Variants in ABCA13 observed in about 807,000 individuals in gnomAD.
The protein encoded by ABCA13 is ATP binding cassette subfamily A member 13.
In ABCA13, 476 loss-of-function variants were observed where a neutral mutation model predicts 478.7. That is an observed-to-expected ratio of 0.99 (90% confidence interval 0.92 to 1.07). ABCA13 has a LOEUF of 1.07. Ranked by LOEUF, ABCA13 falls within the 50% of genes least tolerant of loss-of-function variation. ABCA13 has a pLI of 0.00. For synonymous variants in ABCA13, 2,252 were observed against 2,158.9 expected (o/e 1.04, Z -1.20); for missense variants, 6,060 against 5,910.6 (o/e 1.03, Z -0.83).
intron 23 of ABCA13, among the ~76,000 whole-genome samples, chr7:48,303,761 G>T (rs768284194): frequency 6.6e-6 from 1 of 152,010 alleles, no homozygotes; most frequent in African/African-American, 2.4e-5. Context: ...GGTGTTTTTT[G>T]ATATCAAATT....
In ABCA13 at chr7:48,198,309, G is replaced by C. The variant is rs375471014; in HGVS notation, c.236G>C (p.Gly79Ala). The change falls in exon 3 of 62, where the codon GGA becomes GCA. Residue 79 changes from glycine to alanine, a missense_variant. Around this residue, in one of 3 missense-constraint regions of ABCA13, gnomAD observed 4,423 missense variants for 4,309.1 expected, o/e 1.03. Coordinates refer to ENST00000435803, the MANE Select transcript of ABCA13 (RefSeq NM_152701.5). ...PFVQSLLCNT[G>A]SRCRNFSYEG... Reference sequence around the variant, plus strand: ...GTTCAAAGCCTTCTTTGTAACACTGGATCAAGGTGTAGGAACTTCAGCTAT... The same window carrying C: ...GTTCAAAGCCTTCTTTGTAACACTGCATCAAGGTGTAGGAACTTCAGCTAT... The C allele has an allele frequency of 4.2e-5, 68 of 1,613,704 alleles. No individual in the cohort carries two copies. In the African/African-American group the frequency reaches 5.2e-4, roughly 12 times the overall value.
intron 42 of ABCA13, among the ~76,000 whole-genome samples, chr7:48,452,275 C>A (rs1825138966): frequency 6.6e-6 from 1 of 152,142 alleles, no homozygotes; most frequent in African/African-American, 2.4e-5. Context: ...TATTACAAAT[C>A]TCTACTTTAC....
chr7:48,214,801 A>G (rs900787315), intron 3 of ABCA13, among the ~76,000 whole-genome samples: 1 of 152,314 alleles, frequency 6.6e-6, no homozygotes, highest in African/African-American at 2.4e-5. Flanking sequence ...GTTGTGGCTG[A>G]TTTGATCTAT....
chr7:48,410,389 AT>A lies in ABCA13; in HGVS notation c.12071-124del. Reference sequence around the variant, plus strand: ...GGCAAAGTGGCCAGGACGCATTTCAATTTTTTTCAGTTTGAAAATTGGTGAG... The same window carrying A: ...GGCAAAGTGGCCAGGACGCATTTCAATTTTTTCAGTTTGAAAATTGGTGAG... On this transcript the variant is annotated intron_variant, in intron 39 of 61. Transcript: ENST00000435803. 4 of 1,198,698 alleles carry A rather than the reference AT, an allele frequency of 3.3e-6. No individual in the cohort carries two copies. The South Asian group carries it at 5.4e-5, about 16-fold the overall frequency. 74.3% of individuals were successfully genotyped at this position (1,198,698 alleles called of 1,614,324 possible). A position where few individuals can be genotyped will look rare whatever the true frequency, so the allele number is the denominator to read the frequency against.
chr7:48,516,746 G>A lies in ABCA13; in HGVS notation c.13662G>A (p.Met4554Ile), dbSNP rs142532424. The A allele has an allele frequency of 1.9e-5, 31 of 1,613,688 alleles. No individual in the cohort carries two copies. In the East Asian group the frequency reaches 6.7e-4, roughly 35 times the overall value. ...TCAGATATGCAACTCTTCCATGGATGTACCTGATGTCCAGAATCTTTTCCA... is the reference window on the plus strand; with the variant it reads ...TCAGATATGCAACTCTTCCATGGATATACCTGATGTCCAGAATCTTTTCCA... ...SLFGYATLPW[M>I]YLMSRIFSSS... The change falls in exon 52 of 62, where the codon ATG becomes ATA. Residue 4554 changes from methionine (M) to isoleucine (I), a missense_variant. By Grantham distance (10) the Met-to-Ile change is conservative (BLOSUM62 1). Around this residue, in one of 3 missense-constraint regions of ABCA13, gnomAD observed 1,627 missense variants for 1,571.0 expected, o/e 1.04. Coordinates refer to ENST00000435803, the MANE Select transcript of ABCA13 (RefSeq NM_152701.5).
chr7:48,233,937 A>T, intron 7 of ABCA13, 81 bp from the exon 8 acceptor site: 1 of 1,514,570 alleles, frequency 6.6e-7, no homozygotes, highest in Non-Finnish European at 8.9e-7. Flanking sequence ...AGGTGAAAAA[A>T]GGTATTTTTT....
At chr7:48,471,682 A>T in intron 45 of ABCA13, 83 bp downstream of exon 45, 1 of 1,302,044 alleles carries the variant, frequency 7.7e-7, no homozygotes. Context: ...TAAAATTTTC[A>T]TATTTGTAAC....
intron 55 of ABCA13, among the ~76,000 whole-genome samples, chr7:48,575,310 A>G (rs1317641851): frequency 6.6e-6 from 1 of 152,142 alleles, no homozygotes; most frequent in Non-Finnish European, 1.5e-5. Context: ...ATATAAGGGA[A>G]TGGTTTTTTA....
At position 48,272,234 on chromosome 7, in the gene ABCA13, T is replaced by G. The variant is rs767306713; in HGVS notation, c.2568T>G (p.Leu856=). 1 of 1,612,220 alleles carries G rather than the reference T, an allele frequency of 6.2e-7. No individual in the cohort carries two copies. The highest frequency in any genetic ancestry group is 1.1e-5 in the South Asian group (1 of 90,666). ...CTAAATTGGAAAACTTCTTTACACT[T>G]TTAAATTTTTCTGTTCCAGAAAATG... ...KRAKLENFFT[L]LNFSVPENEI... Residue 856 remains leucine, a synonymous_variant, in exon 17 of 62, where the codon CTT becomes CTG. Coordinates refer to ENST00000435803, the MANE Select transcript of ABCA13 (RefSeq NM_152701.5).
At chr7:48,246,800 T>A (rs192052770) in intron 13 of ABCA13, among the ~76,000 whole-genome samples, 1 of 152,260 alleles carries the variant, frequency 6.6e-6, no homozygotes, top group East Asian at 1.9e-4. Flanking sequence ...AGACACTATC[T>A]TGGTAGAGAA....
At chr7:48,407,686 A>G (rs1193051805) in intron 39 of ABCA13, among the ~76,000 whole-genome samples, 1 of 151,640 alleles carries the variant, frequency 6.6e-6, no homozygotes, top group Non-Finnish European at 1.5e-5. Context: ...CCTCCCAAGT[A>G]GCTGGGATTA....
At chr7:48,542,743 C>A (rs1258375876) in intron 55 of ABCA13, among the ~76,000 whole-genome samples, 1 of 151,646 alleles carries the variant, frequency 6.6e-6, no homozygotes, top group African/African-American at 2.4e-5. Flanking sequence ...TACTATTACT[C>A]TCCTCTAGCA....
rs752507745 is a variant in ABCA13 at position 48,274,499 on chromosome 7, C to A, written c.4833C>A (p.Asp1611Glu). 8 of 1,613,818 alleles carry A rather than the reference C, an allele frequency of 5.0e-6. No individual in the cohort carries two copies. In the Admixed American group the frequency reaches 1.0e-4, roughly 20 times the overall value. The change falls in exon 17 of 62, where the codon GAC (aspartate) becomes GAA (glutamate). Residue 1611 changes from aspartate (D) to glutamate (E), a missense_variant. Coordinates refer to ENST00000435803, the MANE Select transcript of ABCA13 (RefSeq NM_152701.5). ...ASYLAFSLSH[D>E]LQNSPKIIIS... Reference sequence around the variant, plus strand: ...ACCTTGCCTTCAGCTTATCTCATGACCTCCAAAATTCACCAAAAATAATAA... The same window carrying A: ...ACCTTGCCTTCAGCTTATCTCATGAACTCCAAAATTCACCAAAAATAATAA...
rs1230317311 is a variant in ABCA13 at position 48,376,468 on chromosome 7, C to T, written c.11231C>T (p.Ala3744Val). Reference sequence around the variant, plus strand: ...ATTCAATGGAATAATATGTACCAGGCTCTGGAACAAGGGGGCATGACATTT... The same window carrying T: ...ATTCAATGGAATAATATGTACCAGGTTCTGGAACAAGGGGGCATGACATTT... ...TGIQWNNMYQ[A>V]LEQGGMTFGW... is the part of the protein sequence containing the mutation. The change falls in exon 35 of 62, where the codon GCT (alanine) becomes GTT (valine). Residue 3744 changes from alanine (A) to valine (V), a missense_variant. Coordinates refer to ENST00000435803, the MANE Select transcript of ABCA13 (RefSeq NM_152701.5). 1.9e-6 allele frequency: 3 copies of T among 1,613,704 alleles called. No individual in the cohort carries two copies. Among genetic ancestry groups the T allele is most frequent in the Non-Finnish European group, 2.5e-6 (3 of 1,179,830 alleles).
rs372300929 is a variant in ABCA13, at chr7:48,587,139, A to G, written c.14506-15A>G. ...GGTGAATGCTGGTGTGCACATGGAC[A>G]TGCCTCTCTTCCAGGTTGCTGGAGA... On this transcript the variant is annotated splice_polypyrimidine_tract_variant and intron_variant, in intron 56 of 61. Coordinates refer to ENST00000435803, the MANE Select transcript of ABCA13 (RefSeq NM_152701.5). The G allele has an allele frequency of 2.5e-5, 40 of 1,612,876 alleles. No individual in the cohort carries two copies. The African/African-American group carries it at 3.9e-4, about 16-fold the overall frequency.
chr7:48,544,060 G>C (rs932314978), intron 55 of ABCA13, among the ~76,000 whole-genome samples: 1 of 151,204 alleles, frequency 6.6e-6, no homozygotes, highest in East Asian at 1.9e-4. Context: ...ACAAAATGTT[G>C]GTGCAAAATC....
intron 27 of ABCA13, among the ~76,000 whole-genome samples, chr7:48,323,583 G>C (rs1253452115): frequency 6.6e-6 from 1 of 152,188 alleles, no homozygotes; most frequent in Non-Finnish European, 1.5e-5. Context: ...TCTCATGTAT[G>C]CCTCACAACC....
chr7:48,234,691 G>A (rs1789683470), intron 8 of ABCA13, among the ~76,000 whole-genome samples: 1 of 152,206 alleles, frequency 6.6e-6, no homozygotes, highest in Non-Finnish European at 1.5e-5. Flanking sequence ...GTATTGCTGA[G>A]GTTCTGGGAG....
At chr7:48,368,687 GTATATATATATATA>G (rs201820250) in intron 32 of ABCA13, among the ~76,000 whole-genome samples, 68 of 122,752 alleles carry the variant, frequency 5.5e-4, no homozygotes, top group African/African-American at 2.0e-3. Flanking sequence ...GTGTGTATGT[GTATATATATATATA>G]TATATATATA....
Sources: allele counts gnomAD v4.1 joint callset (sites outside exome capture counted in the v4.1 genomes callset), GRCh38; gene constraint gnomAD v4.1.1; regional missense constraint gnomAD v4.1.1; transcripts MANE v1.5; gene names NCBI Gene and HGNC (gene_info 2026-07-23, HGNC 2026-07-21).